Variants in ANKRD26 observed in about 807,000 individuals in gnomAD.
ANKRD26 encodes the protein ankyrin repeat domain 26.
ANKRD26 carries 141 observed loss-of-function variants against 208.7 expected under a neutral mutation model. The ratio of observed to expected loss-of-function variants is 0.68; its 90% CI spans 0.59 to 0.78. The LOEUF (loss-of-function observed/expected upper bound fraction) is 0.78, where lower values mean the gene tolerates loss of function less well. Among genes scored for constraint, ANKRD26 ranks in the 30% least tolerant of loss-of-function variants. The probability of loss-of-function intolerance (pLI) is 0.00; values close to 1 mark genes in which losing one functional copy is unlikely to be tolerated. For synonymous variants in ANKRD26, 636 were observed against 660.4 expected, an observed-to-expected ratio of 0.96 and a Z score of 0.57; for missense variants, 1,889 against 1,938.7, an observed-to-expected ratio of 0.97 and a Z score of 0.48.
In ANKRD26 at chr10:27,005,529, T is replaced by C. The variant is rs1366686919; in HGVS notation, c.*61A>G. The C allele has an allele frequency of 1.1e-5, 17 of 1,575,268 alleles. No homozygotes were observed. Among genetic ancestry groups the C allele is most frequent in the Non-Finnish European group, 7.8e-6 (9 of 1,153,076 alleles). On this transcript the variant is annotated 3_prime_UTR_variant, in exon 34 of 34. Transcript: ENST00000376087. ...TCCTTTAATATTTTTACATGTCATA[T>C]ATTAATATTTAATGAGAAACAAAAT...
At chr10:27,002,608 C>G (rs545438761), downstream of ANKRD26, among the ~76,000 whole-genome samples, 69 of 152,200 alleles carry the variant, frequency 4.5e-4, 2 homozygotes, top group South Asian at 0.014. Context: ...ATGTGTGACC[C>G]TGAACTGGGA....
At chr10:26,967,769 T>C in the ANKRD26 span, among the ~76,000 whole-genome samples, 1 of 152,210 alleles carries the variant, frequency 6.6e-6, no homozygotes, top group Non-Finnish European at 1.5e-5. Context: ...CAAACCTCAG[T>C]GGAATCCTGG....
At chr10:27,045,103 A>T (rs2054392408) in intron 18 of ANKRD26, among the ~76,000 whole-genome samples, 2 of 152,182 alleles carry the variant, frequency 1.3e-5, no homozygotes, top group African/African-American at 4.8e-5. Context: ...TCATTCATCT[A>T]CTCAACTCTT....
intron 1 of ANKRD26, among the ~76,000 whole-genome samples, chr10:27,096,593 G>A (rs1376331919): frequency 3.3e-5 from 5 of 150,562 alleles, no homozygotes; most frequent in Admixed American, 6.6e-5. Context: ...GTGAAACCCC[G>A]TCTCTACTAA....
rs2056612037 is a variant in ANKRD26 at position 27,100,379 on chromosome 10, G to A, written c.-53C>T. 14 of 1,598,674 alleles carry A rather than the reference G, an allele frequency of 8.8e-6. No individual in the cohort carries two copies. The East Asian group carries it at 3.1e-4, about 36-fold the overall frequency. ...CCTCATGTCTCTCTCGGCTCTTAACGGCCTCCGGAGCCCAACATAACAAGT... is the reference window on the plus strand; with the variant it reads ...CCTCATGTCTCTCTCGGCTCTTAACAGCCTCCGGAGCCCAACATAACAAGT... On this transcript the variant is annotated 5_prime_UTR_variant, in exon 1 of 34. Coordinates refer to ENST00000376087, the MANE Select transcript of ANKRD26 (RefSeq NM_014915.3).
At chr10:26,990,884 A>G (rs1360811902), downstream of ANKRD26, among the ~76,000 whole-genome samples, 6 of 152,202 alleles carry the variant, frequency 3.9e-5, no homozygotes, top group African/African-American at 1.4e-4. Context: ...TTGTAAGGAG[A>G]AATGAAGAAT....
chr10:27,028,928 G>C lies in ANKRD26; in HGVS notation c.3896C>G (p.Ala1299Gly). 6.2e-7 allele frequency: 1 copy of C among 1,611,194 alleles called. No homozygotes were observed. The highest frequency in any genetic ancestry group is 1.3e-5 in the African/African-American group (1 of 74,902). The change falls in exon 27 of 34, where the codon GCC becomes GGC. Residue 1299 changes from alanine (A) to glycine (G), a missense_variant. Physicochemically the swap from Ala to Gly is moderately conservative, Grantham distance 60. Transcript: ENST00000376087. ...CTTTTTGACTGTAACTTTTAACTTGGCATTATCTTTTTCAAGCCTGAAATG... is the reference window on the plus strand; with the variant it reads ...CTTTTTGACTGTAACTTTTAACTTGCCATTATCTTTTTCAAGCCTGAAATG... ...DHKQKLEKDNAKLKVTVKKQM... is the reference protein window; with the variant it reads ...DHKQKLEKDNGKLKVTVKKQM...
Position 27,024,454 on chromosome 10 carries a change from T to C in ANKRD26, c.4078A>G (p.Ile1360Val), listed in dbSNP as rs755787377. Residue 1360 changes from isoleucine to valine, a missense_variant, in exon 28 of 34, where the codon ATA becomes GTA. Coordinates refer to ENST00000376087, the MANE Select transcript of ANKRD26 (RefSeq NM_014915.3). Reference protein sequence around the residue: ...MKKNVELEREITGFKNLLKMT... With the variant: ...MKKNVELEREVTGFKNLLKMT... The stretch of plus-strand genomic sequence containing the variant: ...GAAATATTAAAATCTTACCCAGTTA[T>C]CTCTCTTTCTAATTCAACATTTTTC... The C allele has an allele frequency of 8.8e-5, 130 of 1,480,590 alleles. No homozygotes were observed. Among genetic ancestry groups the C allele is most frequent in the Non-Finnish European group, 1.1e-4 (120 of 1,063,840 alleles). 91.7% of individuals were successfully genotyped at this position (1,480,590 alleles called of 1,614,324 possible). A position where few individuals can be genotyped will look rare whatever the true frequency, so the allele number is the denominator to read the frequency against.
At chr10:26,982,252 C>A (rs2052319597) in intron 4 of ANKRD26, among the ~76,000 whole-genome samples, 1 of 152,106 alleles carries the variant, frequency 6.6e-6, no homozygotes, top group African/African-American at 2.4e-5. Context: ...AGGTAATTTT[C>A]TTCTGGGCAA....
chr10:26,998,071 C>T (rs919499901), intron 4 of ANKRD26, among the ~76,000 whole-genome samples: 2 of 152,154 alleles, frequency 1.3e-5, no homozygotes, highest in African/African-American at 2.4e-5. Flanking sequence ...TCTTTTTTAT[C>T]ATAGCCCAGG....
At chr10:27,058,922 G>GT (rs35286224) in intron 15 of ANKRD26, among the ~76,000 whole-genome samples, 5,037 of 143,032 alleles carry the variant, frequency 0.035, 89 homozygotes, top group Non-Finnish European at 0.039. Flanking sequence ...TTGTTTTTTT[G>GT]TTTTTTTTTT....
intron 27 of ANKRD26, among the ~76,000 whole-genome samples, chr10:27,025,569 C>A (rs1207809172): frequency 3.9e-5 from 6 of 152,118 alleles, no homozygotes; most frequent in African/African-American, 9.7e-5. Flanking sequence ...TTATAATTCT[C>A]ATTTTAAAAT....
chr10:26,973,936 C>T (rs1405926704), exon 6 of ANKRD26, among the ~76,000 whole-genome samples: 3 of 151,972 alleles, frequency 2.0e-5, no homozygotes, highest in Admixed American at 6.6e-5. Flanking sequence ...GAATTACAGG[C>T]GTGAGCCACT....
chr10:27,020,803 C>T (rs2053460534), intron 29 of ANKRD26, among the ~76,000 whole-genome samples: 1 of 152,092 alleles, frequency 6.6e-6, no homozygotes, highest in Non-Finnish European at 1.5e-5. Flanking sequence ...GGACTACAGG[C>T]GTGTGCCGCT....
At chr10:27,052,982 G>A (rs985324377) in intron 16 of ANKRD26, among the ~76,000 whole-genome samples, 6 of 152,078 alleles carry the variant, frequency 3.9e-5, no homozygotes, top group African/African-American at 1.2e-4. Context: ...AATTTCTACT[G>A]CTTAATAATA....
At chr10:27,099,313 A>G (rs189706495) in intron 1 of ANKRD26, among the ~76,000 whole-genome samples, 45 of 152,012 alleles carry the variant, frequency 3.0e-4, no homozygotes, top group African/African-American at 1.1e-3. Context: ...TTCAATGGTC[A>G]CATATTATCA....
At chr10:26,984,103 C>T (rs1468850271) in intron 3 of ANKRD26, among the ~76,000 whole-genome samples, 3 of 152,308 alleles carry the variant, frequency 2.0e-5, no homozygotes, top group Middle Eastern at 3.4e-3. Flanking sequence ...GCATAAATAG[C>T]TGCAGCGTTT....
At chr10:27,074,424 C>T (rs965953916) in intron 9 of ANKRD26, among the ~76,000 whole-genome samples, 1 of 152,172 alleles carries the variant, frequency 6.6e-6, no homozygotes, top group Non-Finnish European at 1.5e-5. Flanking sequence ...CTCACGGCTG[C>T]AATCCCAGCA....
At chr10:27,028,127 C>A (rs927094431) in intron 27 of ANKRD26, among the ~76,000 whole-genome samples, 1 of 152,098 alleles carries the variant, frequency 6.6e-6, no homozygotes, top group Non-Finnish European at 1.5e-5. Context: ...AGGATGTAAT[C>A]CCATCATAAG....
Sources: gnomAD v4.1 joint callset for allele counts (sites outside exome capture counted in the v4.1 genomes callset) on GRCh38, gnomAD v4.1.1 for gene constraint, MANE v1.5 for transcripts, NCBI Gene and HGNC (gene_info 2026-07-23, HGNC 2026-07-21) for gene names.